The following USH2A variants were observed in gnomAD, a reference collection of about 807,000 sequenced individuals.
USH2A encodes the protein Usher syndrome 2A (autosomal recessive, mild).
USH2A carries 443 observed loss-of-function variants against 538.9 expected under a neutral mutation model. The ratio of observed to expected loss-of-function variants is 0.82; its 90% confidence interval spans 0.76 to 0.89. The LOEUF is 0.89. Ranked by LOEUF, USH2A falls within the 40% of genes least tolerant of loss-of-function variation. USH2A has a pLI of 0.00. For synonymous variants in USH2A, 2,413 were observed against 2,273.5 expected (o/e 1.06, Z -1.75); for missense variants, 6,633 against 6,324.8 (o/e 1.05, Z -1.65).
chr1:215,679,955 G>A (rs1338972556), intron 62 of USH2A, among the ~76,000 whole-genome samples, 194 bp downstream of exon 62: 1 of 152,212 alleles, frequency 6.6e-6, no homozygotes, highest in Non-Finnish European at 1.5e-5. Flanking sequence ...ATTTAGCTCA[G>A]TGTTGGGTTA....
At chr1:215,997,624 C>G (rs1668171009) in intron 34 of USH2A, among the ~76,000 whole-genome samples, 2 of 151,986 alleles carry the variant, frequency 1.3e-5, no homozygotes, top group African/African-American at 4.8e-5. Context: ...CACAGCACAT[C>G]CTAAAAACGG....
intron 3 of USH2A, among the ~76,000 whole-genome samples, chr1:216,382,125 C>A (rs562182262): frequency 1.3e-5 from 2 of 152,212 alleles, no homozygotes; most frequent in East Asian, 3.9e-4. Context: ...AAACATGATG[C>A]CGAGCCCTGA....
rs538612709 is a variant in USH2A at position 216,152,153 on chromosome 1, G to A, written c.4627+23099C>T. Among the ~76,000 whole-genome samples the A allele has an allele frequency of 6.6e-4, 100 of 151,732 alleles. No individual in the cohort carries two copies. In the East Asian group the frequency reaches 7.8e-3, roughly 12 times the overall value. ...ATACCACCCCCCAAAAATTTTCGCCGCCCCAACACTTCAATACTATTTTGT... is the reference window on the plus strand; with the variant it reads ...ATACCACCCCCCAAAAATTTTCGCCACCCCAACACTTCAATACTATTTTGT... On this transcript the variant is annotated intron_variant, in intron 21 of 71. Coordinates refer to ENST00000307340, the MANE Select transcript of USH2A (RefSeq NM_206933.4).
chr1:215,875,825 G>A (rs1311877230), intron 43 of USH2A, among the ~76,000 whole-genome samples: 1 of 147,784 alleles, frequency 6.8e-6, no homozygotes, highest in Non-Finnish European at 1.5e-5. Context: ...CAGAATTGGT[G>A]ACTTTGTAGA....
chr1:215,625,933 T>G, intron 71 of USH2A, 63 bp from the exon 72 acceptor site: 1 of 1,455,110 alleles, frequency 6.9e-7, no homozygotes, highest in Non-Finnish European at 9.6e-7. Context: ...GCTATCAATT[T>G]ATAGTTATAT....
chr1:215,794,572 G>A (rs753159620), intron 50 of USH2A, among the ~76,000 whole-genome samples: 1 of 152,090 alleles, frequency 6.6e-6, no homozygotes, highest in Non-Finnish European at 1.5e-5. Flanking sequence ...AAATACATGT[G>A]GAATCTGTCT....
Position 215,736,362 on chromosome 1 carries a change from T to C in USH2A, c.11711+5013A>G, listed in dbSNP as rs140607297. Among the ~76,000 whole-genome samples the C allele has an allele frequency of 7.6e-3, 1,152 of 152,216 alleles. 22 individuals carry two copies. Among genetic ancestry groups the C allele is most frequent in the African/African-American group, 0.026 (1,082 of 41,546 alleles). ...CACCATCAGGCTGTACTTGTTAAAATCCCTATTTACCACAAGTGAAACAGA... is the reference window on the plus strand; with the variant it reads ...CACCATCAGGCTGTACTTGTTAAAACCCCTATTTACCACAAGTGAAACAGA... On this transcript the variant is annotated intron_variant, in intron 60 of 71. Coordinates refer to ENST00000307340, the MANE Select transcript of USH2A (RefSeq NM_206933.4).
At chr1:216,082,704 A>T (rs2031991006) in intron 26 of USH2A, among the ~76,000 whole-genome samples, 1 of 152,170 alleles carries the variant, frequency 6.6e-6, no homozygotes, top group African/African-American at 2.4e-5. Context: ...ATTTAGAGAA[A>T]TGTATAAAAA....
intron 32 of USH2A, among the ~76,000 whole-genome samples, chr1:216,011,738 T>C (rs1378793072): frequency 6.6e-6 from 1 of 152,048 alleles, no homozygotes; most frequent in Non-Finnish European, 1.5e-5. Context: ...CAAAATCTAT[T>C]TTCTTCCTCA....
chr1:215,930,473 G>C (rs1008294868), intron 38 of USH2A, among the ~76,000 whole-genome samples: 3 of 151,954 alleles, frequency 2.0e-5, no homozygotes, highest in African/African-American at 7.2e-5. Flanking sequence ...TAATGCCTTT[G>C]TTCTGAACTT....
At chr1:215,644,650 G>A (rs572533769) in intron 67 of USH2A, among the ~76,000 whole-genome samples, 9 of 152,306 alleles carry the variant, frequency 5.9e-5, no homozygotes, top group East Asian at 5.8e-4. Flanking sequence ...GTTCAGTTGC[G>A]TTGAATGCTA....
At chr1:215,813,062 T>A (rs1441001204) in intron 49 of USH2A, among the ~76,000 whole-genome samples, 1 of 152,216 alleles carries the variant, frequency 6.6e-6, no homozygotes, top group African/African-American at 2.4e-5. Context: ...ATGTAAAGTC[T>A]TCAATACAGA....
At chr1:215,635,567 A>ATTTT (rs1370232866) in intron 69 of USH2A, among the ~76,000 whole-genome samples, 2 of 149,448 alleles carry the variant, frequency 1.3e-5, no homozygotes, top group African/African-American at 5.0e-5. Flanking sequence ...TTATTTATTT[A>ATTTT]TTTTTTGAGA....
chr1:215,799,520 A>G (rs1218123390), intron 49 of USH2A, among the ~76,000 whole-genome samples: 1 of 152,200 alleles, frequency 6.6e-6, no homozygotes, highest in Non-Finnish European at 1.5e-5. Context: ...TTCCTTGACC[A>G]AACTATATTT....
chr1:215,872,054 G>A (rs749823684), intron 43 of USH2A, among the ~76,000 whole-genome samples: 4 of 152,130 alleles, frequency 2.6e-5, no homozygotes, highest in Admixed American at 2.0e-4. Flanking sequence ...TATAAATCAC[G>A]CTTCTGAAAA....
intron 3 of USH2A, among the ~76,000 whole-genome samples, chr1:216,383,050 G>A (rs1394382149): frequency 6.6e-6 from 1 of 152,088 alleles, no homozygotes; most frequent in Non-Finnish European, 1.5e-5. Flanking sequence ...CTATAGGCTG[G>A]TAGTCCTGGG....
intron 11 of USH2A, among the ~76,000 whole-genome samples, chr1:216,269,333 T>C (rs1053314684): frequency 2.0e-5 from 3 of 152,126 alleles, no homozygotes; most frequent in Non-Finnish European, 4.4e-5. Flanking sequence ...CTTTGCTTGC[T>C]GCCACCCATA....
chr1:215,743,388 G>T (rs6540907), intron 58 of USH2A, 53 bp from the exon 59 acceptor site: 1 of 92,486 alleles, frequency 1.1e-5, no homozygotes, highest in Non-Finnish European at 1.9e-5. Flanking sequence ...ATATATATAT[G>T]TGTGTGTGTG....
At chr1:215,922,258 A>C (rs181236831) in intron 38 of USH2A, among the ~76,000 whole-genome samples, 106 of 152,290 alleles carry the variant, frequency 7.0e-4, no homozygotes, top group African/African-American at 2.5e-3. Context: ...GTGTCTTCAC[A>C]GTAGGGCTGA....
Sources: gnomAD v4.1 joint callset for allele counts (sites outside exome capture counted in the v4.1 genomes callset) on GRCh38, gnomAD v4.1.1 for gene constraint, MANE v1.5 for transcripts, NCBI Gene and HGNC (gene_info 2026-07-23, HGNC 2026-07-21) for gene names.